Variants in DAPK1 observed in about 807,000 individuals in gnomAD.
DAPK1 encodes death-associated protein kinase 1.
In DAPK1, 56 loss-of-function variants were observed where a neutral mutation model predicts 144.9. That is an observed-to-expected ratio of 0.39 (90% CI 0.31 to 0.48). DAPK1 has a LOEUF of 0.48. Ranked by LOEUF, DAPK1 falls within the 20% of genes least tolerant of loss-of-function variation. The pLI, the probability that DAPK1 is intolerant of heterozygous loss-of-function variation, is 0.95. For missense variants in DAPK1, 1,454 were observed against 1,875.4 expected, an observed-to-expected ratio of 0.78 and a Z score of 4.15; for synonymous variants, 690 against 749.0, an observed-to-expected ratio of 0.92 and a Z score of 1.29.
chr9:87,668,745 T>C lies in DAPK1; in HGVS notation c.2001+71T>C, dbSNP rs566655469. ...GTGAAAAAGTCTCAGTCTTTTTCCT[T>C]ATTTGAGAATGAGCAAAATGAGGCT... is the stretch of plus-strand genomic sequence containing the variant. On this transcript the variant is annotated intron_variant, in intron 19 of 25. Transcript: ENST00000408954. 3 of 869,794 alleles carry C rather than the reference T, an allele frequency of 3.4e-6. No homozygotes were observed. In the East Asian group the frequency reaches 7.2e-5, roughly 21 times the overall value. The allele number at this position is 869,794 out of a possible 1,614,324, so 53.9% of individuals were successfully genotyped here.
At chr9:87,556,507 C>T (rs1224051593) in intron 2 of DAPK1, among the ~76,000 whole-genome samples, 1 of 152,216 alleles carries the variant, frequency 6.6e-6, no homozygotes, top group Non-Finnish European at 1.5e-5. Flanking sequence ...ATTCTGGCCA[C>T]ATCAGTGAAT....
At chr9:87,575,824 C>G (rs551552415) in intron 2 of DAPK1, among the ~76,000 whole-genome samples, 3 of 152,202 alleles carry the variant, frequency 2.0e-5, no homozygotes, top group Admixed American at 1.3e-4. Context: ...TTCCTTCAAC[C>G]TAATCATCCC....
rs371784492 is a variant in DAPK1, at chr9:87,703,185, C to T, written c.3028C>T (p.Arg1010Cys). ...NPLASEEDLR[R>C]IAQQLHSTGE... is the part of the protein sequence containing the mutation. ...CCTGGCCAGCGAGGAGGACCTCAGGCGCATTGCTCAGCAGCTCCACAGCAC... is the reference window on the plus strand; with the variant it reads ...CCTGGCCAGCGAGGAGGACCTCAGGTGCATTGCTCAGCAGCTCCACAGCAC... Residue 1010 changes from arginine (R) to cysteine (C), a missense_variant, in exon 25 of 26, where the codon CGC becomes TGC. Arg to Cys is a radical substitution (Grantham distance 180, BLOSUM62 -3). Transcript: ENST00000408954. 6.8e-6 allele frequency: 11 copies of T among 1,612,108 alleles called. No homozygotes were observed. The highest frequency in any genetic ancestry group is 2.7e-5 in the African/African-American group (2 of 75,018).
chr9:87,586,149 ATGATGG>A (rs1827935614), intron 2 of DAPK1, among the ~76,000 whole-genome samples: 1 of 152,118 alleles, frequency 6.6e-6, no homozygotes, highest in African/African-American at 2.4e-5. Context: ...TTAGCCAGAT[ATGATGG>A]CGTGTACCTG....
chr9:87,687,978 A>G (rs554591713), intron 21 of DAPK1, among the ~76,000 whole-genome samples: 2 of 151,962 alleles, frequency 1.3e-5, no homozygotes, highest in Non-Finnish European at 2.9e-5. Context: ...GTTCTTGCTC[A>G]TTTTTGTTTT....
At chr9:87,628,188 T>C (rs1230657494) in intron 3 of DAPK1, among the ~76,000 whole-genome samples, 1 of 152,220 alleles carries the variant, frequency 6.6e-6, no homozygotes, top group East Asian at 1.9e-4. Context: ...ATGCATGCTG[T>C]TCTATGAGAA....
At chr9:87,539,069 GTT>G (rs2118446044) in intron 2 of DAPK1, among the ~76,000 whole-genome samples, 1 of 150,546 alleles carries the variant, frequency 6.6e-6, no homozygotes, top group East Asian at 1.9e-4. Context: ...CATACAAAGA[GTT>G]TTCATAAAAG....
Position 87,706,296 on chromosome 9 carries a change from C to G in DAPK1, c.3225C>G (p.Asp1075Glu). 6.2e-7 allele frequency: 1 copy of G among 1,611,856 alleles called. No individual in the cohort carries two copies. The highest frequency in any genetic ancestry group is 8.5e-7 in the Non-Finnish European group (1 of 1,178,802). Reference sequence around the variant, plus strand: ...AGGACATCCAGCGCCTGGTGCCCGACAGCGACGTGGAGGAGCTGCTGCAGA... The same window carrying G: ...AGGACATCCAGCGCCTGGTGCCCGAGAGCGACGTGGAGGAGCTGCTGCAGA... ...TVEDIQRLVP[D>E]SDVEELLQIL... Residue 1075 changes from aspartate to glutamate, a missense_variant, in exon 26 of 26, where the codon GAC becomes GAG. Around this residue, in one of 2 missense-constraint regions of DAPK1, gnomAD observed 1,025 missense variants for 1,237.9 expected, o/e 0.83. Transcript: ENST00000408954. The surrounding 1 kb of genome is among the most constrained non-coding windows in gnomAD (Gnocchi z 9.0).
chr9:87,669,673 G>A (rs1035000431), intron 19 of DAPK1, among the ~76,000 whole-genome samples: 1 of 152,048 alleles, frequency 6.6e-6, no homozygotes, highest in African/African-American at 2.4e-5. Context: ...CATATAGACC[G>A]AGAAGTGCCT....
chr9:87,613,836 A>T (rs7021218), intron 3 of DAPK1, among the ~76,000 whole-genome samples: 13 of 152,124 alleles, frequency 8.5e-5, no homozygotes, highest in African/African-American at 3.1e-4. Flanking sequence ...GACTTCCTCA[A>T]TGCGTTCTTT....
intron 3 of DAPK1, among the ~76,000 whole-genome samples, chr9:87,630,000 G>T (rs537615000): frequency 1.3e-5 from 2 of 152,230 alleles, no homozygotes; most frequent in East Asian, 3.9e-4. Flanking sequence ...AGCCCAGATG[G>T]AGAGACCACG....
intron 2 of DAPK1, among the ~76,000 whole-genome samples, chr9:87,602,337 C>A (rs1264363983): frequency 2.0e-5 from 3 of 152,144 alleles, no homozygotes; most frequent in Non-Finnish European, 4.4e-5. Context: ...CGTATGGGGA[C>A]CCTGCAGTGT....
At position 87,645,965 on chromosome 9, in the gene DAPK1, A is replaced by G. The variant is rs1830253649; in HGVS notation, c.1082A>G (p.Gln361Arg). The G allele has an allele frequency of 6.2e-7, 1 of 1,614,010 alleles. No individual in the cohort carries two copies. The highest frequency in any genetic ancestry group is 8.5e-7 in the Non-Finnish European group (1 of 1,179,996). The change falls in exon 12 of 26, where the codon CAG (glutamine) becomes CGG (arginine). Residue 361 changes from glutamine to arginine, a missense_variant. By Grantham distance (43) the Gln-to-Arg change is conservative. This residue lies in a region of DAPK1 where 429 missense variants were observed against 637.5 expected (regional missense o/e 0.67). Transcript: ENST00000408954. ...AACGATGACAATGTCCCAGGCCTGC[A>G]GCACCTTCTGGGCTCATTATCCAAC... ...AINDDNVPGL[Q>R]HLLGSLSNYD...
chr9:87,662,559 A>ATTTTTTTTTTTTTTTTTT, intron 18 of DAPK1, among the ~76,000 whole-genome samples: 1 of 25,570 alleles, frequency 3.9e-5, no homozygotes, highest in East Asian at 1.9e-3. Flanking sequence ...ATATATTCCT[A>ATTTTTTTTTTTTTTTTTT]GTTTTTTTTT....
intron 3 of DAPK1, among the ~76,000 whole-genome samples, chr9:87,612,601 G>C (rs1451712282): frequency 6.6e-6 from 1 of 152,192 alleles, no homozygotes; most frequent in East Asian, 1.9e-4. Flanking sequence ...TAACACAGAG[G>C]CACCAGTTAA....
chr9:87,643,243 G>A (rs888412133), intron 10 of DAPK1, 133 bp from the exon 11 acceptor site: 30 of 588,966 alleles, frequency 5.1e-5, no homozygotes, highest in Non-Finnish European at 8.3e-5. Context: ...TGTGCTGATA[G>A]CAATGAACAC....
intron 2 of DAPK1, among the ~76,000 whole-genome samples, chr9:87,540,643 G>A (rs1056041043): frequency 2.0e-5 from 3 of 152,148 alleles, no homozygotes; most frequent in African/African-American, 7.2e-5. Flanking sequence ...GTGAGTAAAG[G>A]GGAACTACGA....
chr9:87,655,906 G>T (rs1488476677), intron 17 of DAPK1, among the ~76,000 whole-genome samples: 1 of 152,218 alleles, frequency 6.6e-6, no homozygotes, highest in Non-Finnish European at 1.5e-5. Context: ...GTTTATCGAG[G>T]CCCTTCCAGG....
intron 18 of DAPK1, among the ~76,000 whole-genome samples, chr9:87,658,735 T>C (rs2119218972): frequency 6.6e-6 from 1 of 152,324 alleles, no homozygotes; most frequent in Non-Finnish European, 1.5e-5. Flanking sequence ...AGAAGGAAAA[T>C]GCATCAGCTA....
Sources: gnomAD v4.1 joint callset for allele counts (sites outside exome capture counted in the v4.1 genomes callset) on GRCh38, gnomAD v4.1.1 for gene constraint, gnomAD v4.1.1 regional missense constraint, Gnocchi (gnomAD v3.1) non-coding constraint, MANE v1.5 for transcripts, NCBI Gene and HGNC (gene_info 2026-07-23, HGNC 2026-07-21) for gene names.